GRK5: variants seen among roughly 807,000 people sequenced by gnomAD.
GRK5 encodes G protein-coupled receptor kinase 5, also known as g protein-coupled receptor kinase GRK5.
Under a neutral mutation model 78.4 loss-of-function variants are expected in GRK5, and 40 were observed. The ratio of observed to expected loss-of-function variants is 0.51; its 90% CI spans 0.40 to 0.66. GRK5 has a LOEUF of 0.66. Ranked by LOEUF, GRK5 falls within the 30% of genes least tolerant of loss-of-function variation. The pLI is 0.00. For missense variants in GRK5, 598 were observed against 759.9 expected (o/e 0.79, Z 2.50); for synonymous variants, 289 against 296.8 (o/e 0.97, Z 0.27).
intron 2 of GRK5, among the ~76,000 whole-genome samples, chr10:119,380,275 A>C (rs758895648): frequency 2.0e-5 from 3 of 152,074 alleles, no homozygotes; most frequent in Non-Finnish European, 4.4e-5. Flanking sequence ...TACTTCTTCT[A>C]ATTTCCCAGC....
In GRK5 at chr10:119,430,351, G is replaced by A. The variant is rs770469513; in HGVS notation, c.534-24G>A. The A allele has an allele frequency of 1.9e-6, 3 of 1,607,946 alleles. No homozygotes were observed. The highest frequency in any genetic ancestry group is 1.1e-5 in the South Asian group (1 of 90,868). Reference sequence around the variant, plus strand: ...TCTGAGTCTTGGCACCATGAGACCAGTGTGGGATTCTTCTTTCTTCCAGGC... The same window carrying A: ...TCTGAGTCTTGGCACCATGAGACCAATGTGGGATTCTTCTTTCTTCCAGGC... On this transcript the variant is annotated intron_variant, in intron 6 of 15. Coordinates refer to ENST00000392870, the MANE Select transcript of GRK5 (RefSeq NM_005308.3). This position sits in a 1 kb window ranked among gnomAD's most constrained non-coding sequence, Gnocchi z 4.5.
intron 1 of GRK5, among the ~76,000 whole-genome samples, chr10:119,269,446 G>T (rs1849551743): frequency 6.6e-6 from 1 of 152,110 alleles, no homozygotes; most frequent in African/African-American, 2.4e-5. Flanking sequence ...CCCTGTAATG[G>T]GCTCACATTA....
At chr10:119,330,709 C>T (rs534354088) in intron 2 of GRK5, among the ~76,000 whole-genome samples, 19 of 152,200 alleles carry the variant, frequency 1.2e-4, no homozygotes, top group African/African-American at 4.6e-4. Flanking sequence ...CTCCCAGCCC[C>T]CTCCTCCCAA....
In GRK5 at chr10:119,310,890, T is replaced by C. The variant is rs559448333; in HGVS notation, c.53-15626T>C. Among the ~76,000 whole-genome samples, 3 of 152,278 alleles carry C rather than the reference T, an allele frequency of 2.0e-5. No individual in the cohort carries two copies. The South Asian group carries it at 6.2e-4, about 32-fold the overall frequency. Reference sequence around the variant, plus strand: ...AAGTGGCCTGTGGTTATTCAGCTTGTGGACAGAAGAGTCAGCAGCCCAGCC... The same window carrying C: ...AAGTGGCCTGTGGTTATTCAGCTTGCGGACAGAAGAGTCAGCAGCCCAGCC... On this transcript the variant is annotated intron_variant, in intron 1 of 15. Coordinates refer to ENST00000392870, the MANE Select transcript of GRK5 (RefSeq NM_005308.3).
At chr10:119,372,046 C>T (rs1487305002) in intron 2 of GRK5, among the ~76,000 whole-genome samples, 2 of 152,200 alleles carry the variant, frequency 1.3e-5, no homozygotes, top group Admixed American at 6.5e-5. Context: ...GGGTATTTAG[C>T]ACATCCCTGG....
At chr10:119,289,134 T>C (rs1849908193) in intron 1 of GRK5, among the ~76,000 whole-genome samples, 1 of 152,260 alleles carries the variant, frequency 6.6e-6, no homozygotes, top group African/African-American at 2.4e-5. Context: ...TTTCAAGATT[T>C]TTTTTTATTT....
chr10:119,392,671 T>C (rs2133844377), intron 3 of GRK5, among the ~76,000 whole-genome samples: 1 of 152,286 alleles, frequency 6.6e-6, no homozygotes, highest in African/African-American at 2.4e-5. Context: ...CCCAAAGTGC[T>C]GGGATTACAG....
intron 1 of GRK5, among the ~76,000 whole-genome samples, chr10:119,281,576 T>C (rs1564875213): frequency 6.6e-6 from 1 of 152,166 alleles, no homozygotes; most frequent in Non-Finnish European, 1.5e-5. Flanking sequence ...CAGCCTCTCC[T>C]GTGGTGGCAT....
intron 1 of GRK5, among the ~76,000 whole-genome samples, chr10:119,284,651 A>G (rs1849816835): frequency 6.6e-6 from 1 of 152,156 alleles, no homozygotes; most frequent in Non-Finnish European, 1.5e-5. Flanking sequence ...GTGGCCTCTC[A>G]GTCGTCAGTG....
chr10:119,277,239 C>T (rs1399239964), intron 1 of GRK5, among the ~76,000 whole-genome samples: 1 of 152,144 alleles, frequency 6.6e-6, no homozygotes, highest in Non-Finnish European at 1.5e-5. Flanking sequence ...CCCAAGAGAG[C>T]CCACAGACCA....
intron 4 of GRK5, among the ~76,000 whole-genome samples, chr10:119,415,789 C>T (rs999723467): frequency 1.3e-5 from 2 of 152,204 alleles, no homozygotes; most frequent in African/African-American, 4.8e-5. Flanking sequence ...AGATCCATGC[C>T]TCCCAGTCAG....
chr10:119,248,917 G>A (rs751240616), intron 1 of GRK5, among the ~76,000 whole-genome samples: 3 of 151,870 alleles, frequency 2.0e-5, no homozygotes, highest in Admixed American at 6.6e-5. Flanking sequence ...AACATTTGCC[G>A]ACCTCTGACC....
At chr10:119,308,615 C>T (rs1030810508) in intron 1 of GRK5, among the ~76,000 whole-genome samples, 6 of 152,216 alleles carry the variant, frequency 3.9e-5, no homozygotes, top group South Asian at 2.1e-4. Context: ...GACGTTGGGC[C>T]GGTCAGCCCG....
intron 2 of GRK5, among the ~76,000 whole-genome samples, chr10:119,362,844 C>T (rs1406919453): frequency 6.6e-6 from 1 of 152,228 alleles, no homozygotes; most frequent in African/African-American, 2.4e-5. Flanking sequence ...ATCTGAAACT[C>T]ATCCAGATTT....
At chr10:119,218,949 G>A (rs1352728677) in intron 1 of GRK5, among the ~76,000 whole-genome samples, 2 of 147,504 alleles carry the variant, frequency 1.4e-5, no homozygotes, top group African/African-American at 5.3e-5. Context: ...CTAGGCCAGA[G>A]TGCAGTGGCA....
At chr10:119,216,753 G>GT in intron 1 of GRK5, among the ~76,000 whole-genome samples, 1 of 152,072 alleles carries the variant, frequency 6.6e-6, no homozygotes, top group East Asian at 1.9e-4. Context: ...AGGAGTTCAA[G>GT]ATCAGCCTGA....
intron 12 of GRK5, 79 bp downstream of exon 12, chr10:119,443,831 C>T (rs1853088972): frequency 8.0e-7 from 1 of 1,251,442 alleles, no homozygotes; most frequent in South Asian, 1.4e-5. Context: ...GTCCCCAGAA[C>T]AGCAAACAGG....
intron 2 of GRK5, among the ~76,000 whole-genome samples, chr10:119,352,520 C>T (rs779083797): frequency 1.3e-5 from 2 of 152,168 alleles, no homozygotes; most frequent in East Asian, 3.8e-4. Flanking sequence ...AACTGCTTCT[C>T]GTTGAAGCTG....
chr10:119,207,850 C>G lies in GRK5; in HGVS notation c.-68C>G, dbSNP rs1848411915. 2.8e-6 allele frequency: 4 copies of G among 1,448,106 alleles called. No individual in the cohort carries two copies. Among genetic ancestry groups the G allele is most frequent in the South Asian group, 2.5e-5 (2 of 80,000 alleles). 89.7% of individuals were successfully genotyped at this position (1,448,106 alleles called of 1,614,324 possible). A position where few individuals can be genotyped will look rare whatever the true frequency, so the allele number is the denominator to read the frequency against. On this transcript the variant is annotated 5_prime_UTR_variant, in exon 1 of 16. Transcript: ENST00000392870. The stretch of plus-strand genomic sequence containing the variant: ...GCGGCGGCAGCCCGAGCAGCGGCAG[C>G]AGCAGCGGCAGCACCCCAGGCGCTG...
Sources: gnomAD v4.1 joint callset for allele counts (sites outside exome capture counted in the v4.1 genomes callset) on GRCh38, gnomAD v4.1.1 for gene constraint, Gnocchi (gnomAD v3.1) non-coding constraint, MANE v1.5 for transcripts, NCBI Gene and HGNC (gene_info 2026-07-23, HGNC 2026-07-21) for gene names.